The following JADE3 variants were observed in gnomAD, a reference collection of about 807,000 sequenced individuals.
The protein encoded by JADE3 is jade family PHD finger 3.
A neutral mutation model predicts 50.1 loss-of-function variants in JADE3; 2 were observed. The observed-to-expected ratio is 0.04, with a 90% CI of 0.02 to 0.13. The LOEUF is 0.13. JADE3 is among the 10% of genes least tolerant of loss of function. The pLI, the probability that JADE3 is intolerant of heterozygous loss-of-function variation, is 1.00. For synonymous variants in JADE3, 218 were observed against 232.9 expected, an observed-to-expected ratio of 0.94 and a Z score of 0.58; for missense variants, 475 against 634.4, an observed-to-expected ratio of 0.75 and a Z score of 2.70.
intron 8 of JADE3, among the ~76,000 whole-genome samples, chrX:47,039,327 A>C (rs782729973): frequency 2.7e-5 from 3 of 111,018 alleles, no homozygotes; most frequent in Non-Finnish European, 3.8e-5. Flanking sequence ...GTGAGTTCTA[A>C]AGCTAGTTGA....
intron 1 of JADE3, among the ~76,000 whole-genome samples, chrX:46,927,659 A>C (rs1926399787): frequency 8.9e-6 from 1 of 112,427 alleles, no homozygotes; most frequent in African/African-American, 3.2e-5. Context: ...GGCCTCAGAA[A>C]GTGCTGGGAT....
rs782332874 is a variant in JADE3 at position 46,984,855 on chromosome X, G to A, written c.-11-29G>A. 1.5e-5 allele frequency: 17 copies of A among 1,165,510 alleles called. No homozygotes were observed. In the South Asian group the frequency reaches 2.1e-4, roughly 15 times the overall value. On this transcript the variant is annotated intron_variant, in intron 1 of 10. Coordinates refer to ENST00000614628, the MANE Select transcript of JADE3 (RefSeq NM_014735.5). ...CCTCTGGGATGGGTGTGTGTGAACT[G>A]TTTTATTCAGTGTTTTTCTTTTTCC...
intron 1 of JADE3, among the ~76,000 whole-genome samples, chrX:46,930,899 C>G (rs182480189): frequency 9.0e-6 from 1 of 111,607 alleles, no homozygotes; most frequent in East Asian, 2.8e-4. Context: ...CCCAGCCCCC[C>G]ATCCATACCC....
intron 1 of JADE3, among the ~76,000 whole-genome samples, chrX:46,956,507 A>G (rs1339210006): frequency 8.9e-6 from 1 of 112,484 alleles, no homozygotes; most frequent in Non-Finnish European, 1.9e-5. Context: ...AAGATTTTGT[A>G]ATATCTTTTT....
chrX:46,976,537 G>A (rs782365634), intron 1 of JADE3, among the ~76,000 whole-genome samples: 1 of 111,928 alleles, frequency 8.9e-6, no homozygotes, highest in African/African-American at 3.2e-5. Flanking sequence ...GTGAGGTCTA[G>A]TGTACATTTT....
intron 8 of JADE3, among the ~76,000 whole-genome samples, chrX:47,047,684 C>T (rs1165516841): frequency 2.7e-5 from 3 of 111,224 alleles, no homozygotes; most frequent in African/African-American, 6.5e-5. Flanking sequence ...GAAGTAAAAA[C>T]GATGCAGCTG....
intron 1 of JADE3, among the ~76,000 whole-genome samples, chrX:46,924,205 G>T (rs782693103): frequency 9.0e-6 from 1 of 111,635 alleles, no homozygotes; most frequent in Admixed American, 9.4e-5. Context: ...ATTTTTCCCT[G>T]ATCTTCCCTG....
intron 4 of JADE3, among the ~76,000 whole-genome samples, chrX:47,022,220 T>C (rs1425741517): frequency 8.9e-6 from 1 of 112,250 alleles, no homozygotes. Context: ...ACATGACATA[T>C]TTAATCTCAT....
intron 6 of JADE3, among the ~76,000 whole-genome samples, chrX:47,032,453 G>T (rs781995264): frequency 4.6e-4 from 51 of 110,816 alleles, no homozygotes; most frequent in African/African-American, 1.5e-3. Context: ...TATCTAAAGG[G>T]CTTGCCACTG....
At chrX:46,934,657 A>G (rs1274534338) in intron 1 of JADE3, among the ~76,000 whole-genome samples, 2 of 103,993 alleles carry the variant, frequency 1.9e-5, no homozygotes, top group African/African-American at 7.1e-5. Flanking sequence ...CTGGTCTCCA[A>G]CTCCTGATCT....
intron 1 of JADE3, among the ~76,000 whole-genome samples, chrX:46,965,236 C>T (rs782581250): frequency 9.0e-6 from 1 of 110,571 alleles, no homozygotes; most frequent in Non-Finnish European, 1.9e-5. Context: ...GGAAATGATC[C>T]CTGACTGTGA....
At chrX:47,018,029 T>A (rs375916420) in intron 4 of JADE3, among the ~76,000 whole-genome samples, 3 of 112,372 alleles carry the variant, frequency 2.7e-5, no homozygotes, top group South Asian at 7.5e-4. Flanking sequence ...GATTCTTCAT[T>A]GTCTTATATC....
intron 3 of JADE3, 61 bp from the exon 4 acceptor site, chrX:46,998,059 C>G: frequency 1.1e-6 from 1 of 947,421 alleles, no homozygotes. Flanking sequence ...AAAAGGAGAA[C>G]ATTGAATGGT....
intron 4 of JADE3, among the ~76,000 whole-genome samples, chrX:47,020,330 C>CAAA (rs371127670): frequency 1.5e-5 from 1 of 65,262 alleles, no homozygotes; most frequent in Non-Finnish European, 3.0e-5. Context: ...GACTTGGTCT[C>CAAA]AAAAAAAAAA....
At chrX:46,922,705 A>G (rs1926249846) in intron 1 of JADE3, among the ~76,000 whole-genome samples, 1 of 108,702 alleles carries the variant, frequency 9.2e-6, no homozygotes, top group African/African-American at 3.4e-5. Context: ...TACAGTTTCT[A>G]TCTCTTTGCT....
At chrX:47,003,161 T>G (rs1348508228) in intron 4 of JADE3, among the ~76,000 whole-genome samples, 1 of 111,495 alleles carries the variant, frequency 9.0e-6, no homozygotes, top group Non-Finnish European at 1.9e-5. Context: ...AACCTGAGTA[T>G]TAGTCAGCTT....
At chrX:47,029,216 G>T (rs782592829) in intron 6 of JADE3, among the ~76,000 whole-genome samples, 1 of 112,125 alleles carries the variant, frequency 8.9e-6, no homozygotes, top group African/African-American at 3.2e-5. Flanking sequence ...AAATGCATCT[G>T]TGAGAAACGA....
At chrX:46,989,965 A>G (rs967149663) in intron 3 of JADE3, among the ~76,000 whole-genome samples, 5 of 109,341 alleles carry the variant, frequency 4.6e-5, no homozygotes, top group African/African-American at 1.7e-4. Flanking sequence ...TGTTAATTCC[A>G]TTCATTAGTT....
In JADE3 at chrX:47,023,308, C is replaced by T. The variant is rs900002664; in HGVS notation, c.285-1416C>T. Among the ~76,000 whole-genome samples the T allele has an allele frequency of 5.4e-5, 6 of 111,491 alleles. No homozygotes were observed. In the Admixed American group the frequency reaches 5.7e-4, roughly 11 times the overall value. The stretch of plus-strand genomic sequence containing the variant: ...GCAGCAGTGTGTGTTGTTCCCCCTA[C>T]CATGTGTTCATGTGTTTTCATCATT... On this transcript the variant is annotated intron_variant, in intron 4 of 10. Transcript: ENST00000614628.
Sources: gnomAD v4.1 joint callset for allele counts (sites outside exome capture counted in the v4.1 genomes callset) on GRCh38, gnomAD v4.1.1 for gene constraint, MANE v1.5 for transcripts, NCBI Gene and HGNC (gene_info 2026-07-23, HGNC 2026-07-21) for gene names.